The following VWC2 variants were observed in gnomAD, a reference collection of about 807,000 sequenced individuals.
The protein encoded by VWC2 is brorin.
VWC2 carries 14 observed loss-of-function variants against 29.8 expected under a neutral mutation model. That is an observed-to-expected ratio of 0.47 (90% CI 0.31 to 0.74). The LOEUF is 0.74. Among genes scored for constraint, VWC2 ranks in the 30% least tolerant of loss-of-function variants. VWC2 has a pLI of 0.05. For synonymous variants in VWC2, 213 were observed against 199.0 expected (o/e 1.07, Z -0.59); for missense variants, 457 against 459.8 (o/e 0.99, Z 0.05).
chr7:49,828,242 C>T (rs993769090), intron 3 of VWC2, among the ~76,000 whole-genome samples: 1 of 152,088 alleles, frequency 6.6e-6, no homozygotes, highest in Non-Finnish European at 1.5e-5. Flanking sequence ...TACAAATAAA[C>T]CACAATTTGT....
At chr7:49,861,164 G>C (rs1049336984) in intron 3 of VWC2, among the ~76,000 whole-genome samples, 15 of 152,080 alleles carry the variant, frequency 9.9e-5, no homozygotes, top group African/African-American at 3.6e-4. Flanking sequence ...ACCAACAGTT[G>C]TTATTTTTCT....
In VWC2 at chr7:49,839,309, G is replaced by A. The variant is rs568167904; in HGVS notation, c.826+36469G>A. Among the ~76,000 whole-genome samples, 30 of 152,314 alleles carry A rather than the reference G, an allele frequency of 2.0e-4. 1 individual carries two copies. Among genetic ancestry groups the A allele is most frequent in the African/African-American group, 6.5e-4 (27 of 41,576 alleles). On this transcript the variant is annotated intron_variant, in intron 3 of 3. Coordinates refer to ENST00000340652, the MANE Select transcript of VWC2 (RefSeq NM_198570.5). Reference sequence around the variant, plus strand: ...AAATTTGGCCTGTGTGTCCCCTGAGGTCTAATTGATACCATGGTACTTCTG... The same window carrying A: ...AAATTTGGCCTGTGTGTCCCCTGAGATCTAATTGATACCATGGTACTTCTG...
At chr7:49,776,411 A>G (rs1360857892) in intron 2 of VWC2, among the ~76,000 whole-genome samples, 1 of 152,226 alleles carries the variant, frequency 6.6e-6, no homozygotes, top group Non-Finnish European at 1.5e-5. Context: ...CCCAACAGGT[A>G]TCGGAGGGAC....
Position 49,875,604 on chromosome 7 carries a change from G to T in VWC2, c.827-36430G>T, listed in dbSNP as rs145282510. 1.5e-3 allele frequency among the ~76,000 whole-genome samples: 233 copies of T among 151,978 alleles called. 2 individuals are homozygous for T. Among genetic ancestry groups the T allele is most frequent in the African/African-American group, 5.4e-3 (222 of 41,458 alleles). ...TGCAGCTGCTGTGCTTTGCTAGGTG[G>T]AAACCCACCGCCTTCCAGTATCAGC... On this transcript the variant is annotated intron_variant, in intron 3 of 3. Coordinates refer to ENST00000340652, the MANE Select transcript of VWC2 (RefSeq NM_198570.5).
intron 2 of VWC2, among the ~76,000 whole-genome samples, chr7:49,779,176 G>A (rs578258346): frequency 4.6e-5 from 7 of 152,276 alleles, no homozygotes; most frequent in South Asian, 2.1e-4. Flanking sequence ...ATTTGGCTCC[G>A]GCAGGAGTGC....
At chr7:49,850,175 T>C (rs1267117889) in intron 3 of VWC2, among the ~76,000 whole-genome samples, 2 of 152,208 alleles carry the variant, frequency 1.3e-5, no homozygotes, top group Non-Finnish European at 2.9e-5. Flanking sequence ...AGACTGAGCA[T>C]AGTACCACAA....
intron 3 of VWC2, among the ~76,000 whole-genome samples, chr7:49,878,248 A>C (rs1454558014): frequency 2.6e-5 from 4 of 152,122 alleles, no homozygotes; most frequent in African/African-American, 9.7e-5. Context: ...GCACACTGCA[A>C]TATGTTAATA....
chr7:49,877,481 A>AAAAAAAAATATACATAT, intron 3 of VWC2, among the ~76,000 whole-genome samples: 5 of 12,728 alleles, frequency 3.9e-4, no homozygotes, highest in African/African-American at 5.5e-4. Context: ...AAAAAAAAAA[A>AAAAAAAAATATACATAT]ATATATATAT....
intron 3 of VWC2, among the ~76,000 whole-genome samples, chr7:49,837,770 A>G (rs1789696991): frequency 6.6e-6 from 1 of 152,204 alleles, no homozygotes; most frequent in Non-Finnish European, 1.5e-5. Context: ...CCAGTAGCCG[A>G]GGGGGTGGAA....
chr7:49,834,516 T>C (rs1242807763), intron 3 of VWC2, among the ~76,000 whole-genome samples: 3 of 152,164 alleles, frequency 2.0e-5, no homozygotes, highest in East Asian at 1.9e-4. Flanking sequence ...TCCTACTGAG[T>C]GTCAGTCTGT....
rs189997322 is a variant in VWC2, at chr7:49,838,732, A to G, written c.826+35892A>G. 1.6e-3 allele frequency among the ~76,000 whole-genome samples: 244 copies of G among 152,294 alleles called. 2 individuals carry two copies. The highest frequency in any genetic ancestry group is 5.7e-3 in the African/African-American group (235 of 41,560). On this transcript the variant is annotated intron_variant, in intron 3 of 3. Coordinates refer to ENST00000340652, the MANE Select transcript of VWC2 (RefSeq NM_198570.5). ...GCTACAATTTATTTTTTAGGACCTA[A>G]AAGTTTCCAGGATTTTCCAGGAGCT...
In VWC2 at chr7:49,920,883, A is replaced by G. The variant is rs751016443; in HGVS notation, c.*8698A>G. On this transcript the variant is annotated 3_prime_UTR_variant, in exon 4 of 4. Transcript: ENST00000340652. ...ATTATAGCTTTTTGTCTTCATTTCT[A>G]ATAGACTGTTATAGGGGAAATGTAC... 2 of 152,200 alleles carry G rather than the reference A, an allele frequency of 1.3e-5. No homozygotes were observed. Among genetic ancestry groups the G allele is most frequent in the Non-Finnish European group, 2.9e-5 (2 of 68,036 alleles). 9.4% of individuals were successfully genotyped at this position (152,200 alleles called of 1,614,324 possible).
intron 2 of VWC2, among the ~76,000 whole-genome samples, chr7:49,782,951 T>C (rs1377067868): frequency 6.6e-6 from 1 of 152,178 alleles, no homozygotes; most frequent in Non-Finnish European, 1.5e-5. Context: ...AATTTGAACC[T>C]GTAAAGCTCT....
At chr7:49,849,248 T>A (rs1334086588) in intron 3 of VWC2, among the ~76,000 whole-genome samples, 1 of 152,196 alleles carries the variant, frequency 6.6e-6, no homozygotes, top group Non-Finnish European at 1.5e-5. Flanking sequence ...GCTTTTGTCT[T>A]TTATGAATGA....
At chr7:49,822,742 T>C (rs1023583234) in intron 3 of VWC2, among the ~76,000 whole-genome samples, 1 of 152,192 alleles carries the variant, frequency 6.6e-6, no homozygotes, top group African/African-American at 2.4e-5. Context: ...ACCTGTGCTT[T>C]ACAGAATTTC....
intron 3 of VWC2, among the ~76,000 whole-genome samples, chr7:49,856,411 C>T (rs1432610542): frequency 1.3e-5 from 2 of 152,160 alleles, no homozygotes; most frequent in East Asian, 1.9e-4. Flanking sequence ...TTATGAGTTC[C>T]TGAGGTTCAC....
intron 3 of VWC2, among the ~76,000 whole-genome samples, chr7:49,867,757 T>A (rs1004724950): frequency 6.6e-6 from 1 of 152,250 alleles, no homozygotes; most frequent in Non-Finnish European, 1.5e-5. Context: ...GCAGAAGACC[T>A]GCTGGTATCT....
intron 2 of VWC2, among the ~76,000 whole-genome samples, chr7:49,777,651 C>G (rs1414549699): frequency 6.6e-6 from 1 of 152,194 alleles, no homozygotes; most frequent in Non-Finnish European, 1.5e-5. Flanking sequence ...ATGAGCAACT[C>G]ATATGAACCA....
chr7:49,859,796 A>G (rs146498989), intron 3 of VWC2, among the ~76,000 whole-genome samples: 73,232 of 121,100 alleles, frequency 0.6, 19,146 homozygotes, highest in East Asian at 0.75. Flanking sequence ...GCGTGCACAC[A>G]CACACACACA....
Sources: gnomAD v4.1 joint callset for allele counts (sites outside exome capture counted in the v4.1 genomes callset) on GRCh38, gnomAD v4.1.1 for gene constraint, MANE v1.5 for transcripts, NCBI Gene and HGNC (gene_info 2026-07-23, HGNC 2026-07-21) for gene names.